SLC8A1: variants seen among roughly 807,000 people sequenced by gnomAD.
SLC8A1 encodes solute carrier family 8 member A1.
Under a neutral mutation model 68.3 loss-of-function variants are expected in SLC8A1, and 18 were observed. The observed-to-expected ratio is 0.26, with a 90% CI of 0.18 to 0.39. The LOEUF is 0.39. SLC8A1 is among the 10% of genes least tolerant of loss of function. The probability of loss-of-function intolerance (pLI) is 1.00; values close to 1 mark genes in which losing one functional copy is unlikely to be tolerated. For missense variants in SLC8A1, 985 were observed against 1,156.7 expected, an observed-to-expected ratio of 0.85 and a Z score of 2.15; for synonymous variants, 475 against 415.5, an observed-to-expected ratio of 1.14 and a Z score of -1.74.
chr2:40,362,930 T>C (rs1323669754), intron 2 of SLC8A1, among the ~76,000 whole-genome samples: 1 of 152,106 alleles, frequency 6.6e-6, no homozygotes, highest in Non-Finnish European at 1.5e-5. Context: ...GACTACCCCA[T>C]GCAATACAGT....
chr2:40,449,504 A>C (rs1702053454), intron 1 of SLC8A1, among the ~76,000 whole-genome samples: 1 of 152,178 alleles, frequency 6.6e-6, no homozygotes, highest in Admixed American at 6.5e-5. Flanking sequence ...CAATTAACAT[A>C]ATTCCTGCAA....
chr2:40,238,140 G>C (rs1050415373), intron 2 of SLC8A1, among the ~76,000 whole-genome samples: 1 of 152,318 alleles, frequency 6.6e-6, no homozygotes, highest in African/African-American at 2.4e-5. Context: ...CACCCAGTTC[G>C]AGCTTCCCGG....
chr2:40,390,948 G>T (rs1337350800), intron 2 of SLC8A1, among the ~76,000 whole-genome samples: 1 of 152,008 alleles, frequency 6.6e-6, no homozygotes, highest in African/African-American at 2.4e-5. Context: ...GGGAGCTACC[G>T]CATGGCTCTT....
intron 2 of SLC8A1, among the ~76,000 whole-genome samples, chr2:40,260,849 C>T (rs2064605301): frequency 6.6e-6 from 1 of 151,936 alleles, no homozygotes; most frequent in Admixed American, 6.6e-5. Flanking sequence ...TTCCCTTCCT[C>T]ATAGTCCGAC....
At chr2:40,166,901 A>G (rs891945471) in intron 4 of SLC8A1, among the ~76,000 whole-genome samples, 4 of 152,216 alleles carry the variant, frequency 2.6e-5, no homozygotes, top group African/African-American at 9.6e-5. Flanking sequence ...CAACTTGGAC[A>G]TCTATTTAAA....
chr2:40,159,673 T>C (rs140550633), intron 6 of SLC8A1, among the ~76,000 whole-genome samples: 4 of 152,168 alleles, frequency 2.6e-5, no homozygotes, highest in East Asian at 1.9e-4. Flanking sequence ...TTAGAGCTTA[T>C]ATGCAAATTC....
intron 6 of SLC8A1, among the ~76,000 whole-genome samples, chr2:40,154,299 CTTTTTTTTTTTTT>C (rs57350879): frequency 1.3e-5 from 1 of 74,938 alleles, no homozygotes; most frequent in Admixed American, 2.0e-4. Flanking sequence ...TTTATTTATT[CTTTTTTTTTTTTT>C]TTTTTTTTTG....
intron 2 of SLC8A1, among the ~76,000 whole-genome samples, chr2:40,213,827 G>A (rs976777931): frequency 2.0e-5 from 3 of 152,170 alleles, no homozygotes; most frequent in African/African-American, 7.2e-5. Context: ...ATATTACACT[G>A]GGGATAATTC....
At chr2:40,316,997 T>G (rs1451302791) in intron 2 of SLC8A1, among the ~76,000 whole-genome samples, 1 of 152,048 alleles carries the variant, frequency 6.6e-6, no homozygotes, top group East Asian at 1.9e-4. Context: ...GGGTGGGGAA[T>G]TTTTCTACTT....
At chr2:40,115,528 C>T in exon 8 of SLC8A1, 1 of 1,614,158 alleles carries the variant, frequency 6.2e-7, no homozygotes, top group Non-Finnish European at 8.5e-7. Flanking sequence ...CAGGCCACAC[C>T]GATTCCCAGG....
intron 1 of SLC8A1, among the ~76,000 whole-genome samples, chr2:40,465,199 G>A (rs1000839022): frequency 2.0e-5 from 3 of 152,104 alleles, no homozygotes; most frequent in Admixed American, 6.5e-5. Flanking sequence ...TAGAGCCAGG[G>A]ATACAACACA....
chr2:40,455,905 C>T (rs1702973851), upstream of SLC8A1, among the ~76,000 whole-genome samples: 1 of 152,230 alleles, frequency 6.6e-6, no homozygotes, highest in Non-Finnish European at 1.5e-5. Context: ...ACAGTCACAA[C>T]TCTCCTCCTC....
At chr2:40,500,129 AAAAC>A (rs546199103) in intron 1 of SLC8A1, among the ~76,000 whole-genome samples, 7 of 151,996 alleles carry the variant, frequency 4.6e-5, no homozygotes, top group Admixed American at 1.3e-4. Context: ...AACTTTTTAA[AAAAC>A]AAACAAACAA....
intron 1 of SLC8A1, among the ~76,000 whole-genome samples, chr2:40,485,709 A>G (rs1384622068): frequency 6.6e-6 from 1 of 152,184 alleles, no homozygotes; most frequent in Non-Finnish European, 1.5e-5. Flanking sequence ...CTTCTAGAGT[A>G]ATTACCACTT....
chr2:40,428,394 C>T (rs778051823), intron 2 of SLC8A1, 79 bp downstream of exon 2: 22 of 1,421,428 alleles, frequency 1.5e-5, no homozygotes, highest in Non-Finnish European at 1.8e-5. Context: ...AAAAATGATG[C>T]ACAGACTCAC....
At chr2:40,463,524 A>G (rs1703464391) in intron 1 of SLC8A1, among the ~76,000 whole-genome samples, 1 of 152,152 alleles carries the variant, frequency 6.6e-6, no homozygotes, top group African/African-American at 2.4e-5. Flanking sequence ...TCTCTCTCAT[A>G]CAAAATTTAG....
intron 4 of SLC8A1, among the ~76,000 whole-genome samples, chr2:40,169,659 G>C (rs1455402088): frequency 6.6e-6 from 1 of 152,132 alleles, no homozygotes; most frequent in Non-Finnish European, 1.5e-5. Flanking sequence ...GAAACTTCAT[G>C]GTTGGGCACC....
Position 40,164,476 on chromosome 2 carries a change from C to T in SLC8A1, c.2061+378G>A, listed in dbSNP as rs72937279. Among the ~76,000 whole-genome samples the T allele has an allele frequency of 8.6e-3, 1,302 of 152,244 alleles. 16 individuals are homozygous for T. The highest frequency in any genetic ancestry group is 0.03 in the African/African-American group (1,245 of 41,546). Reference sequence around the variant, plus strand: ...CTCCTAATTTTCAGCAGTGTGAATGCCTTGCTCTGACAGATTTATTAGCAT... The same window carrying T: ...CTCCTAATTTTCAGCAGTGTGAATGTCTTGCTCTGACAGATTTATTAGCAT... On this transcript the variant is annotated intron_variant, in intron 5 of 7. Transcript: ENST00000406785.
At chr2:40,142,367 GGTGCAT>G (rs72261528) in intron 6 of SLC8A1, among the ~76,000 whole-genome samples, 21,198 of 151,908 alleles carry the variant, frequency 0.14, 1,711 homozygotes, top group African/African-American at 0.21. Flanking sequence ...GGCTGAGAAG[GGTGCAT>G]ATACTCAGAA....
Sources: allele counts gnomAD v4.1 joint callset (sites outside exome capture counted in the v4.1 genomes callset), GRCh38; gene constraint gnomAD v4.1.1; transcripts MANE v1.5; gene names NCBI Gene and HGNC (gene_info 2026-07-23, HGNC 2026-07-21).